Variants in ARHGEF9 observed in about 807,000 individuals in gnomAD.
ARHGEF9 encodes Cdc42 guanine nucleotide exchange factor 9.
ARHGEF9 carries 2 observed loss-of-function variants against 41.3 expected under a neutral mutation model. The observed-to-expected ratio is 0.05, with a 90% CI of 0.02 to 0.15. The LOEUF is 0.15. ARHGEF9 is among the 10% of genes least tolerant of loss of function. ARHGEF9 has a pLI of 1.00. For synonymous variants in ARHGEF9, 160 were observed against 154.4 expected (o/e 1.04, Z -0.27); for missense variants, 225 against 424.7 (o/e 0.53, Z 4.13).
chrX:63,709,770 G>A (rs142669005), intron 2 of ARHGEF9, among the ~76,000 whole-genome samples: 1,148 of 110,411 alleles, frequency 0.01, 9 homozygotes, highest in African/African-American at 0.035. Context: ...TCTATTTTCC[G>A]TCCACAAATA....
At chrX:63,779,597 G>A (rs1365805854) in intron 1 of ARHGEF9, among the ~76,000 whole-genome samples, 1 of 111,867 alleles carries the variant, frequency 8.9e-6, no homozygotes, top group African/African-American at 3.3e-5. Context: ...TGGGGACACA[G>A]CAAAACCATA....
At chrX:63,667,095 G>A (rs1389712923) in intron 6 of ARHGEF9, among the ~76,000 whole-genome samples, 1 of 112,071 alleles carries the variant, frequency 8.9e-6, no homozygotes, top group Non-Finnish European at 1.9e-5. Context: ...TGTGAAGATA[G>A]GGACAAAGAG....
chrX:63,669,957 C>T (rs1362499940), intron 6 of ARHGEF9, among the ~76,000 whole-genome samples: 7 of 112,103 alleles, frequency 6.2e-5, no homozygotes, highest in African/African-American at 2.3e-4. Context: ...TCAATAAATA[C>T]TGTTTGACAA....
Position 63,637,223 on chromosome X carries a change from T to C in ARHGEF9, c.*805A>G. ...TAGAAGAAACAGCCTGAATGCAAAA[T>C]GTTCCCTGAACAGAAGTCCACTCCA... On this transcript the variant is annotated 3_prime_UTR_variant, in exon 10 of 10. Coordinates refer to ENST00000671741, the MANE Select transcript of ARHGEF9 (RefSeq NM_001353921.2). The C allele has an allele frequency of 3.4e-6, 1 of 297,686 alleles. No homozygotes were observed. Among genetic ancestry groups the C allele is most frequent in the Admixed American group, 6.1e-5 (1 of 16,484 alleles). The allele number at this position is 297,686 out of a possible 1,213,427, so 24.5% of individuals were successfully genotyped here. A position where few individuals can be genotyped will look rare whatever the true frequency, so the allele number is the denominator to read the frequency against.
intron 8 of ARHGEF9, among the ~76,000 whole-genome samples, chrX:63,650,096 G>T (rs2048438894): frequency 9.0e-6 from 1 of 111,241 alleles, no homozygotes; most frequent in Non-Finnish European, 1.9e-5. Context: ...AATTAGTACA[G>T]CCATTATAGA....
At chrX:63,638,897 ACGG>A (rs2047454951) in intron 9 of ARHGEF9, among the ~76,000 whole-genome samples, 1 of 111,975 alleles carries the variant, frequency 8.9e-6, no homozygotes, top group Non-Finnish European at 1.9e-5. Context: ...GTCTTTTCAA[ACGG>A]AATAGCTTAA....
chrX:63,765,928 C>T (rs1216600529), intron 1 of ARHGEF9, among the ~76,000 whole-genome samples: 1 of 111,740 alleles, frequency 8.9e-6, no homozygotes, highest in Non-Finnish European at 1.9e-5. Flanking sequence ...TTCCTAAATA[C>T]TGGGCTTTTT....
intron 1 of ARHGEF9, chrX:63,755,335 G>A: frequency 2.9e-6 from 2 of 687,021 alleles, no homozygotes; most frequent in Non-Finnish European, 3.8e-6. Context: ...TCCCCAGACC[G>A]GCGAGAGTCA....
At chrX:63,663,661 C>T (rs1377845386) in intron 7 of ARHGEF9, among the ~76,000 whole-genome samples, 1 of 111,445 alleles carries the variant, frequency 9.0e-6, no homozygotes, top group Non-Finnish European at 1.9e-5. Flanking sequence ...GAGCCTAGTC[C>T]ATTCCTCCCA....
chrX:63,745,207 G>A (rs1391758735), intron 1 of ARHGEF9, among the ~76,000 whole-genome samples: 5 of 111,377 alleles, frequency 4.5e-5, no homozygotes, highest in Admixed American at 2.8e-4. Flanking sequence ...GCAGGCAGGC[G>A]GAGAAATCAG....
Position 63,697,248 on chromosome X carries a change from C to T in ARHGEF9, c.459G>A (p.Lys153=). 8.3e-7 allele frequency: 1 copy of T among 1,210,720 alleles called. No individual in the cohort carries two copies. Among genetic ancestry groups the T allele is most frequent in the Non-Finnish European group, 1.1e-6 (1 of 895,048 alleles). ...TATCTTCAATGTTCCCAAAGATTAC[C>T]TTCAGTTGCTCGTCACTGAACATGT... The part of the protein sequence containing the change: ...RRDMFSDEQL[K]VIFGNIEDIY... The change falls in exon 4 of 10, where the codon AAG becomes AAA. Residue 153 remains lysine, a synonymous_variant. Transcript: ENST00000671741.
At chrX:63,697,467 TCC>T (rs1436477077) in intron 3 of ARHGEF9, among the ~76,000 whole-genome samples, 163 bp from the exon 4 acceptor site, 1 of 111,465 alleles carries the variant, frequency 9.0e-6, no homozygotes, top group Non-Finnish European at 1.9e-5. Flanking sequence ...AGGAAGTCAC[TCC>T]CCCAGTGAGT....
chrX:63,649,851 A>G (rs1217426494), intron 8 of ARHGEF9, among the ~76,000 whole-genome samples: 1 of 112,001 alleles, frequency 8.9e-6, no homozygotes, highest in African/African-American at 3.2e-5. Flanking sequence ...AGAAATGGAC[A>G]AATTCCTCGA....
At chrX:63,659,124 C>T (rs2049057591) in intron 7 of ARHGEF9, among the ~76,000 whole-genome samples, 1 of 112,516 alleles carries the variant, frequency 8.9e-6, no homozygotes. Context: ...CCATTAAAGG[C>T]TGTGCCCAGC....
intron 7 of ARHGEF9, among the ~76,000 whole-genome samples, chrX:63,660,662 T>C (rs1288148022): frequency 8.9e-6 from 1 of 112,089 alleles, no homozygotes; most frequent in African/African-American, 3.2e-5. Flanking sequence ...CAATGTGCTA[T>C]ATTGCCTCTA....
intron 5 of ARHGEF9, among the ~76,000 whole-genome samples, chrX:63,674,499 G>A (rs1280150967): frequency 8.9e-6 from 1 of 111,968 alleles, no homozygotes; most frequent in Admixed American, 9.4e-5. Context: ...GCCGAGTTAG[G>A]TCAGAGCCAC....
At chrX:63,724,877 C>G (rs1262127138) in intron 1 of ARHGEF9, 166 bp from the exon 2 acceptor site, 2 of 486,662 alleles carry the variant, frequency 4.1e-6, no homozygotes, top group South Asian at 6.1e-5. Context: ...GACCGCAAGA[C>G]AAACAATACT....
chrX:63,679,933 A>G (rs2050508317), intron 4 of ARHGEF9, among the ~76,000 whole-genome samples: 1 of 112,364 alleles, frequency 8.9e-6, no homozygotes, highest in Non-Finnish European at 1.9e-5. Context: ...GTATATGCAT[A>G]AAATCCTAAG....
At position 63,646,022 on chromosome X, in the gene ARHGEF9, GTCT is replaced by G. The variant is rs782599565; in HGVS notation, c.1322-1977_1322-1975del. On this transcript the variant is annotated intron_variant, in intron 8 of 9. Coordinates refer to ENST00000671741, the MANE Select transcript of ARHGEF9 (RefSeq NM_001353921.2). ...TCATGTGTCTTTTGGCTGCATAAAT[GTCT>G]TCTTTTGAGAAGTGTCTGTTCATAT... Among the ~76,000 whole-genome samples the G allele has an allele frequency of 7.8e-3, 876 of 111,981 alleles. 5 individuals are homozygous for G. The highest frequency in any genetic ancestry group is 0.013 in the Non-Finnish European group (714 of 53,208).
Sources: allele counts gnomAD v4.1 joint callset (sites outside exome capture counted in the v4.1 genomes callset), GRCh38; gene constraint gnomAD v4.1.1; transcripts MANE v1.5; gene names NCBI Gene and HGNC (gene_info 2026-07-23, HGNC 2026-07-21).